The following TAF1D variants were observed in gnomAD, a reference collection of about 807,000 sequenced individuals.
The protein encoded by TAF1D is TATA-box binding protein associated factor, RNA polymerase I subunit D, also known as TATA box-binding protein-associated factor RNA polymerase I subunit D.
A neutral mutation model predicts 26.2 loss-of-function variants in TAF1D; 23 were observed. The ratio of observed to expected loss-of-function variants is 0.88; its 90% CI spans 0.63 to 1.25. The LOEUF is 1.25. TAF1D is among the 50% of genes most tolerant of loss of function. The pLI, the probability that TAF1D is intolerant of heterozygous loss-of-function variation, is 0.00. For synonymous variants in TAF1D, 100 were observed against 105.6 expected (o/e 0.95, Z 0.33); for missense variants, 299 against 322.0 (o/e 0.93, Z 0.55).
intron 1 of TAF1D, 29 bp downstream of exon 1, chr11:93,741,293 C>T (rs961825969): frequency 2.2e-6 from 1 of 456,124 alleles, no homozygotes; most frequent in Non-Finnish European, 4.4e-6. Context: ...CCGCCAGGCC[C>T]GGACGGCCTC....
downstream of TAF1D, chr11:93,732,456 C>A (rs201801963): frequency 2.4e-4 from 125 of 518,928 alleles, no homozygotes; most frequent in South Asian, 1.7e-3. Context: ...CCTTTGAACA[C>A]CCTAGCAGGT....
downstream of TAF1D, chr11:93,735,196 T>C: frequency 7.4e-7 from 1 of 1,352,138 alleles, no homozygotes; most frequent in Non-Finnish European, 9.8e-7. Context: ...CACCTATCTG[T>C]AAGTCTTTGT....
downstream of TAF1D, chr11:93,734,543 G>A (rs965869353): frequency 4.5e-6 from 2 of 448,740 alleles, no homozygotes; most frequent in Non-Finnish European, 8.8e-6. Context: ...AAATGTCCCT[G>A]AATAAAATGA....
intron 2 of TAF1D, 47 bp downstream of exon 2, chr11:93,739,188 AAT>A (rs1289175588): frequency 5.6e-6 from 8 of 1,425,088 alleles, no homozygotes; most frequent in Middle Eastern, 1.8e-4. Flanking sequence ...CATTATATAC[AAT>A]AGTTTCTCAT....
intron 1 of TAF1D, among the ~76,000 whole-genome samples, chr11:93,740,730 G>T (rs1274681203): frequency 6.6e-6 from 1 of 152,028 alleles, no homozygotes; most frequent in South Asian, 2.1e-4. Context: ...ATTAAATATC[G>T]AATGCTCAAA....
intron 3 of TAF1D, 38 bp from the exon 4 acceptor site, chr11:93,737,277 AT>A (rs1940988192): frequency 6.8e-7 from 1 of 1,473,008 alleles, no homozygotes; most frequent in East Asian, 2.4e-5. Flanking sequence ...TCGAGATTTT[AT>A]TTTTAAGACC....
intron 3 of TAF1D, 138 bp downstream of exon 3, chr11:93,737,971 G>A: frequency 2.3e-6 from 2 of 879,404 alleles, no homozygotes; most frequent in South Asian, 5.2e-5. Flanking sequence ...GTGGACTTTA[G>A]GGGTAAGTCA....
At chr11:93,736,947 C>A (rs1256764314) in intron 4 of TAF1D, 117 bp downstream of exon 4, 1 of 1,112,672 alleles carries the variant, frequency 9.0e-7, no homozygotes, top group Non-Finnish European at 1.3e-6. Context: ...AATTGTCATA[C>A]TCTGTATCTT....
chr11:93,734,898 C>A, downstream of TAF1D: 1 of 770,618 alleles, frequency 1.3e-6, no homozygotes, highest in Non-Finnish European at 1.8e-6. Flanking sequence ...TGAGTAACTC[C>A]AACTACAGGC....
downstream of TAF1D, chr11:93,732,964 A>G: frequency 3.2e-6 from 1 of 311,150 alleles, no homozygotes; most frequent in Non-Finnish European, 6.3e-6. Flanking sequence ...ACAAATATAT[A>G]CATTGTAATA....
chr11:93,736,456 G>A, intron 5 of TAF1D, 152 bp from the exon 6 acceptor site: 2 of 1,420,360 alleles, frequency 1.4e-6, no homozygotes, highest in Non-Finnish European at 1.8e-6. Flanking sequence ...TTTTTCATTT[G>A]ACATCCTAAC....
In TAF1D at chr11:93,735,753, T is replaced by G; in HGVS notation, c.*408A>C. 1.9e-6 allele frequency: 2 copies of G among 1,049,998 alleles called. No individual in the cohort carries two copies. The highest frequency in any genetic ancestry group is 2.3e-6 in the Non-Finnish European group (2 of 870,436). The allele number at this position is 1,049,998 out of a possible 1,614,324, so 65.0% of individuals were successfully genotyped here. ...TAAGCATCTGACAGGTCACTTGTCA[T>G]GGCTGAACAAAGCTGGGATAAAATT... On this transcript the variant is annotated 3_prime_UTR_variant, in exon 6 of 6. Coordinates refer to ENST00000448108, the MANE Select transcript of TAF1D (RefSeq NM_024116.4).
chr11:93,731,831 A>ATTTT (rs1315892312), downstream of TAF1D: 28 of 352,446 alleles, frequency 7.9e-5, no homozygotes, highest in Non-Finnish European at 2.8e-5. Flanking sequence ...GTACAGTTAC[A>ATTTT]TTTTGACACC....
chr11:93,730,396 A>T, exon 12 of TAF1D: 1 of 831,126 alleles, frequency 1.2e-6, no homozygotes, highest in Non-Finnish European at 2.1e-6. Flanking sequence ...CATCAAGGTC[A>T]CTTTAGATCC....
Position 93,737,111 on chromosome 11 carries a change from G to C in TAF1D, c.588C>G (p.Tyr196Ter), listed in dbSNP as rs749690030. The C allele has an allele frequency of 1.9e-6, 3 of 1,608,698 alleles. No homozygotes were observed. The highest frequency in any genetic ancestry group is 1.3e-5 in the African/African-American group (1 of 74,724). ...TGGATCCATCATCATCCAAAAATTT[G>C]TATCTACGACTGTCAAAATCTTCAT... ...LENEDFDSRR[Y>*]KFLDDDGSIS... The change falls in exon 4 of 6, where the codon TAC becomes TAG. Residue 196 changes from tyrosine (Y) to a stop codon, truncating the protein, a stop_gained. Coordinates refer to ENST00000448108, the MANE Select transcript of TAF1D (RefSeq NM_024116.4). LOFTEE classifies it high-confidence loss of function.
chr11:93,734,956 T>TG (rs1940385213), downstream of TAF1D: 1 of 1,042,458 alleles, frequency 9.6e-7, no homozygotes, highest in African/African-American at 1.7e-5. Flanking sequence ...GGAGATGTGT[T>TG]TCTTACTTTC....
At position 93,737,063 on chromosome 11, in the gene TAF1D, C is replaced by G; in HGVS notation, c.635+1G>C. 1.3e-6 allele frequency: 2 copies of G among 1,585,266 alleles called. No individual in the cohort carries two copies. Among genetic ancestry groups the G allele is most frequent in the Non-Finnish European group, 1.7e-6 (2 of 1,168,646 alleles). ...AAAGTATTTCATATGATTCCACTTA[C>G]GTTGACTCCTCAATAGGAGAAATGG... On this transcript the variant is annotated splice_donor_variant, in intron 4 of 5. Transcript: ENST00000448108. LOFTEE classifies it high-confidence loss of function.
intron 1 of TAF1D, among the ~76,000 whole-genome samples, chr11:93,740,753 C>A (rs1363834761): frequency 2.0e-5 from 3 of 152,242 alleles, no homozygotes; most frequent in African/African-American, 7.2e-5. Flanking sequence ...CGGAATTCAA[C>A]AAAAATTTGC....
rs909257726 is a variant in TAF1D at position 93,736,079 on chromosome 11, G to C, written c.*82C>G. 13 of 1,584,884 alleles carry C rather than the reference G, an allele frequency of 8.2e-6. No homozygotes were observed. Among genetic ancestry groups the C allele is most frequent in the African/African-American group, 1.4e-5 (1 of 72,758 alleles). On this transcript the variant is annotated 3_prime_UTR_variant, in exon 6 of 6. Transcript: ENST00000448108. ...TCAGAATTTCTTCACCACCAGACTG[G>C]TACATATATCCACATTTATCTTTAT...
Sources: gnomAD v4.1 joint callset for allele counts (sites outside exome capture counted in the v4.1 genomes callset) on GRCh38, gnomAD v4.1.1 for gene constraint, MANE v1.5 for transcripts, NCBI Gene and HGNC (gene_info 2026-07-23, HGNC 2026-07-21) for gene names.